The following ECD variants were observed in gnomAD, a reference collection of about 807,000 sequenced individuals.
ECD encodes protein ecdysoneless homolog.
A neutral mutation model predicts 77.2 loss-of-function variants in ECD; 59 were observed. The ratio of observed to expected loss-of-function variants is 0.76; its 90% CI spans 0.62 to 0.95. The LOEUF is 0.95. Among genes scored for constraint, ECD ranks in the 40% least tolerant of loss-of-function variants. The pLI is 0.00. For synonymous variants in ECD, 233 were observed against 267.4 expected, an observed-to-expected ratio of 0.87 and a Z score of 1.26; for missense variants, 704 against 763.4, an observed-to-expected ratio of 0.92 and a Z score of 0.92.
intron 1 of ECD, among the ~76,000 whole-genome samples, chr10:73,165,253 C>T (rs1240824471): frequency 1.3e-5 from 2 of 152,312 alleles, no homozygotes; most frequent in East Asian, 1.9e-4. Flanking sequence ...AACTACAAAA[C>T]ATTCATGTCC....
rs767751204 is a variant in ECD at position 73,134,626 on chromosome 10, T to C, written c.1892A>G (p.Asp631Gly). The C allele has an allele frequency of 1.9e-6, 3 of 1,614,232 alleles. No individual in the cohort carries two copies. The highest frequency in any genetic ancestry group is 2.2e-5 in the East Asian group (1 of 44,888). Residue 631 changes from aspartate to glycine, a missense_variant, in exon 14 of 14, where the codon GAC becomes GGC. Coordinates refer to ENST00000372979, the MANE Select transcript of ECD (RefSeq NM_007265.3). ...LLQSMGVQLP[D>G]NTDHRPTSKP... ...ACTTGTTGGTCTGTGATCGGTGTTG[T>C]CAGGCAGCTGCACTCCCATGCTTTG...
At chr10:73,165,126 T>C (rs1843436375) in intron 1 of ECD, among the ~76,000 whole-genome samples, 1 of 152,194 alleles carries the variant, frequency 6.6e-6, no homozygotes, top group Admixed American at 6.5e-5. Flanking sequence ...CTACCATCTC[T>C]AAAATCTCTC....
chr10:73,157,925 T>C (rs1843319828), intron 3 of ECD, among the ~76,000 whole-genome samples: 1 of 151,538 alleles, frequency 6.6e-6, no homozygotes, highest in African/African-American at 2.4e-5. Flanking sequence ...TATATCGTTC[T>C]AGCTCTATAC....
chr10:73,159,422 G>A (rs1263571778), intron 3 of ECD, among the ~76,000 whole-genome samples: 1 of 152,212 alleles, frequency 6.6e-6, no homozygotes, highest in African/African-American at 2.4e-5. Flanking sequence ...CGTGAAATAT[G>A]TGTGTATGTG....
rs538916837 is a variant in ECD at position 73,164,555 on chromosome 10, C to T, written c.-13-605G>A. Among the ~76,000 whole-genome samples, 58 of 152,120 alleles carry T rather than the reference C, an allele frequency of 3.8e-4. 1 individual carries two copies. In the South Asian group the frequency reaches 0.012, roughly 31 times the overall value. On this transcript the variant is annotated intron_variant, in intron 1 of 13. Coordinates refer to ENST00000372979, the MANE Select transcript of ECD (RefSeq NM_007265.3). ...TGATCACAGCTCATTGCAACCTCCACCTCTTGGGCTCAAGCCATCCTCCCA... is the reference window on the plus strand; with the variant it reads ...TGATCACAGCTCATTGCAACCTCCATCTCTTGGGCTCAAGCCATCCTCCCA...
rs552804093 is a variant in ECD, at chr10:73,164,102, G to A, written c.-13-152C>T. Among the ~76,000 whole-genome samples, 25 of 152,184 alleles carry A rather than the reference G, an allele frequency of 1.6e-4. No homozygotes were observed. The East Asian group carries it at 2.1e-3, about 13-fold the overall frequency. On this transcript the variant is annotated intron_variant, in intron 1 of 13. Transcript: ENST00000372979. ...TGTAATCCTATCACTTTGGGAGGCC[G>A]AGACAGGCAGATCACTGGAGGTCAG...
At chr10:73,162,445 T>C (rs1235936378) in intron 2 of ECD, among the ~76,000 whole-genome samples, 1 of 152,234 alleles carries the variant, frequency 6.6e-6, no homozygotes, top group Non-Finnish European at 1.5e-5. Context: ...AATGGTTTTC[T>C]AGAGGATGGA....
chr10:73,155,542 C>G (rs945154242), intron 5 of ECD, among the ~76,000 whole-genome samples: 1 of 148,296 alleles, frequency 6.7e-6, no homozygotes, highest in South Asian at 2.1e-4. Context: ...TATACAGACC[C>G]AGAACAACAG....
At chr10:73,153,627 G>A (rs1401798666) in intron 6 of ECD, among the ~76,000 whole-genome samples, 1 of 150,044 alleles carries the variant, frequency 6.7e-6, no homozygotes, top group Admixed American at 6.7e-5. Context: ...AGCTACTCGG[G>A]AGGCAGGAGA....
At chr10:73,137,514 G>A (rs550455739) in intron 12 of ECD, among the ~76,000 whole-genome samples, 7 of 152,268 alleles carry the variant, frequency 4.6e-5, no homozygotes, top group East Asian at 3.9e-4. Context: ...GGTGGCTCAC[G>A]CCTGTAATCC....
intron 5 of ECD, among the ~76,000 whole-genome samples, chr10:73,155,080 C>T (rs546538711): frequency 2.4e-4 from 37 of 152,168 alleles, no homozygotes; most frequent in African/African-American, 8.7e-4. Context: ...GACGGAGTCT[C>T]GCTCTGTCGC....
chr10:73,137,899 A>G, intron 12 of ECD, 104 bp downstream of exon 12: 1 of 820,496 alleles, frequency 1.2e-6, no homozygotes, highest in Non-Finnish European at 1.7e-6. Context: ...CAGGAAGAGA[A>G]AGCAAACATT....
chr10:73,143,521 T>C (rs1167935482), intron 9 of ECD, among the ~76,000 whole-genome samples: 3 of 152,168 alleles, frequency 2.0e-5, no homozygotes, highest in African/African-American at 4.8e-5. Context: ...ACACGGTATA[T>C]ATTTTATTCT....
chr10:73,148,789 A>G (rs895486391), intron 7 of ECD, among the ~76,000 whole-genome samples: 2 of 152,202 alleles, frequency 1.3e-5, no homozygotes, highest in Middle Eastern at 3.2e-3. Flanking sequence ...CAGACATAGT[A>G]AAGAGAGGAA....
intron 12 of ECD, among the ~76,000 whole-genome samples, chr10:73,137,579 T>A (rs1842991440): frequency 6.6e-6 from 1 of 151,896 alleles, no homozygotes; most frequent in African/African-American, 2.4e-5. Context: ...ATCGAGACCA[T>A]CCTGGCTAAC....
intron 11 of ECD, among the ~76,000 whole-genome samples, chr10:73,138,816 C>T (rs1843011111): frequency 6.6e-6 from 1 of 152,204 alleles, no homozygotes; most frequent in Non-Finnish European, 1.5e-5. Context: ...CTGCCTGCCT[C>T]GGTCTCCCAA....
intron 3 of ECD, among the ~76,000 whole-genome samples, chr10:73,158,313 G>T (rs563072638): frequency 1.3e-5 from 2 of 151,850 alleles, no homozygotes; most frequent in Non-Finnish European, 2.9e-5. Flanking sequence ...TTAAATGTTC[G>T]CACCACACAC....
At chr10:73,139,273 T>G in intron 11 of ECD, 36 bp downstream of exon 11, 1 of 1,542,772 alleles carries the variant, frequency 6.5e-7, no homozygotes, top group African/African-American at 1.4e-5. Context: ...ATTTGGGTTC[T>G]AGCTATTTAT....
At chr10:73,165,319 G>A (rs1228101221) in intron 1 of ECD, among the ~76,000 whole-genome samples, 1 of 151,720 alleles carries the variant, frequency 6.6e-6, no homozygotes, top group African/African-American at 2.4e-5. Context: ...TGGGATGGTA[G>A]GTATATCTTT....
Sources: allele counts gnomAD v4.1 joint callset (sites outside exome capture counted in the v4.1 genomes callset), GRCh38; gene constraint gnomAD v4.1.1; transcripts MANE v1.5; gene names NCBI Gene and HGNC (gene_info 2026-07-23, HGNC 2026-07-21).